UGGT2: variants seen among roughly 807,000 people sequenced by gnomAD.
UGGT2 encodes UDP-glucose glycoprotein glucosyltransferase 2, also known as UDP-glucose:glycoprotein glucosyltransferase 2.
In UGGT2, 180 loss-of-function variants were observed where a neutral mutation model predicts 192.1. The observed-to-expected ratio is 0.94, with a 90% CI of 0.83 to 1.06. The LOEUF (loss-of-function observed/expected upper bound fraction) is 1.06, where lower values mean the gene tolerates loss of function less well. UGGT2 is among the 50% of genes least tolerant of loss of function. The pLI is 0.00. For missense variants in UGGT2, 1,849 were observed against 1,795.7 expected (o/e 1.03, Z -0.54); for synonymous variants, 580 against 591.0 (o/e 0.98, Z 0.27).
Position 95,939,220 on chromosome 13 carries a change from T to C in UGGT2, c.1812+737A>G, listed in dbSNP as rs150522671. Among the ~76,000 whole-genome samples, 482 of 152,296 alleles carry C rather than the reference T, an allele frequency of 3.2e-3. 3 individuals are homozygous for C. Among genetic ancestry groups the C allele is most frequent in the African/African-American group, 0.011 (460 of 41,578 alleles). ...AATTCCTTTACATCTCAGAACACAA[T>C]ATTTTTCTGACTGGAATGTTAATCT... On this transcript the variant is annotated intron_variant, in intron 16 of 38. Coordinates refer to ENST00000376747, the MANE Select transcript of UGGT2 (RefSeq NM_020121.4).
chr13:95,959,418 G>T (rs550007232), intron 12 of UGGT2, among the ~76,000 whole-genome samples: 4 of 152,062 alleles, frequency 2.6e-5, no homozygotes, highest in African/African-American at 9.7e-5. Flanking sequence ...GGATCATCCC[G>T]CTCCCCTGCT....
At chr13:95,836,696 ATC>A (rs1887322514) in intron 37 of UGGT2, among the ~76,000 whole-genome samples, 1 of 152,296 alleles carries the variant, frequency 6.6e-6, no homozygotes, top group African/African-American at 2.4e-5. Context: ...TGGTTGTGGA[ATC>A]TCTTATTGCT....
chr13:95,980,160 A>G (rs2051072102), intron 10 of UGGT2, among the ~76,000 whole-genome samples: 2 of 152,092 alleles, frequency 1.3e-5, no homozygotes, highest in South Asian at 4.2e-4. Context: ...GGTGGGGGGG[A>G]AGTCATTATA....
At chr13:95,886,059 G>A (rs557164026) in intron 26 of UGGT2, among the ~76,000 whole-genome samples, 1 of 152,284 alleles carries the variant, frequency 6.6e-6, no homozygotes, top group South Asian at 2.1e-4. Context: ...ATCCACAAGA[G>A]AGAATATGTG....
chr13:95,928,078 C>T (rs2049089925), intron 17 of UGGT2, among the ~76,000 whole-genome samples: 1 of 152,238 alleles, frequency 6.6e-6, no homozygotes, highest in Non-Finnish European at 1.5e-5. Context: ...TACACAGACA[C>T]AGTAACAATC....
At chr13:95,822,079 G>T (rs775447211) in intron 38 of UGGT2, among the ~76,000 whole-genome samples, 1 of 151,984 alleles carries the variant, frequency 6.6e-6, no homozygotes, top group Non-Finnish European at 1.5e-5. Flanking sequence ...TTTTAGGATT[G>T]TTTTTCCTAG....
chr13:95,949,313 A>T, intron 13 of UGGT2, 22 bp downstream of exon 13: 1 of 1,491,918 alleles, frequency 6.7e-7, no homozygotes, highest in Non-Finnish European at 9.0e-7. Flanking sequence ...ATATATATGT[A>T]TAATCAAAAT....
intron 20 of UGGT2, among the ~76,000 whole-genome samples, chr13:95,906,791 A>T (rs1594288039): frequency 6.6e-6 from 1 of 152,216 alleles, no homozygotes; most frequent in Non-Finnish European, 1.5e-5. Flanking sequence ...CAGAAGCCAG[A>T]AGGCAATCAG....
intron 22 of UGGT2, among the ~76,000 whole-genome samples, chr13:95,900,483 C>G (rs2048073233): frequency 6.6e-6 from 1 of 152,154 alleles, no homozygotes; most frequent in South Asian, 2.1e-4. Flanking sequence ...CCTACTACAA[C>G]AGTGGTTCTA....
chr13:95,845,178 T>TTA lies in UGGT2; in HGVS notation c.4285-7978_4285-7977dup, dbSNP rs1385520357. 7.9e-5 allele frequency among the ~76,000 whole-genome samples: 12 copies of TTA among 151,906 alleles called. No homozygotes were observed. In the East Asian group the frequency reaches 2.3e-3, roughly 29 times the overall value. ...GATTCATGATATAAGATCCTTTCTT[T>TTA]TAAATTTTTTTAGTATTTATTGATC... is the stretch of plus-strand genomic sequence containing the variant. On this transcript the variant is annotated intron_variant, in intron 36 of 38. Transcript: ENST00000376747.
chr13:95,919,745 G>C (rs1426395982), intron 20 of UGGT2, among the ~76,000 whole-genome samples: 1 of 152,128 alleles, frequency 6.6e-6, no homozygotes, highest in Admixed American at 6.5e-5. Flanking sequence ...CTCATGGACA[G>C]GAAGAACGAA....
chr13:95,877,989 C>T (rs2047389741), intron 27 of UGGT2, 133 bp from the exon 28 acceptor site: 9 of 875,126 alleles, frequency 1.0e-5, no homozygotes, highest in African/African-American at 1.7e-5. Context: ...TTATTTTACA[C>T]ATGAGTGAAT....
intron 20 of UGGT2, among the ~76,000 whole-genome samples, chr13:95,924,416 T>TTTTTTTTTTTA (rs2048953410): frequency 7.1e-6 from 1 of 140,112 alleles, no homozygotes; most frequent in Non-Finnish European, 1.5e-5. Context: ...TTTTTTTTTT[T>TTTTTTTTTTTA]TTTTTTTTGA....
chr13:96,001,192 A>G (rs2051789996), intron 5 of UGGT2, among the ~76,000 whole-genome samples: 1 of 152,164 alleles, frequency 6.6e-6, no homozygotes. Context: ...GAATCACAAA[A>G]GAAGTGAAAA....
intron 38 of UGGT2, among the ~76,000 whole-genome samples, chr13:95,827,491 C>T (rs1886165326): frequency 6.6e-6 from 1 of 152,084 alleles, no homozygotes; most frequent in Non-Finnish European, 1.5e-5. Flanking sequence ...ATTCTTTCCT[C>T]GCAGCCCTCA....
At chr13:95,839,167 A>T (rs1291199467) in intron 36 of UGGT2, among the ~76,000 whole-genome samples, 2 of 151,914 alleles carry the variant, frequency 1.3e-5, no homozygotes, top group Non-Finnish European at 2.9e-5. Flanking sequence ...ACTACCCCCC[A>T]TGCCGACTGT....
At chr13:95,930,082 T>C (rs1379222338) in intron 17 of UGGT2, among the ~76,000 whole-genome samples, 1 of 152,156 alleles carries the variant, frequency 6.6e-6, no homozygotes, top group Non-Finnish European at 1.5e-5. Flanking sequence ...GCGTGTCTTC[T>C]TTTGAGAAGT....
intron 12 of UGGT2, among the ~76,000 whole-genome samples, chr13:95,965,121 G>C (rs1594455837): frequency 6.6e-6 from 1 of 150,796 alleles, no homozygotes; most frequent in Non-Finnish European, 1.5e-5. Flanking sequence ...GGAGAAATAG[G>C]AACACTTTTA....
chr13:95,858,146 A>C (rs1045784861), intron 33 of UGGT2, among the ~76,000 whole-genome samples: 1 of 151,932 alleles, frequency 6.6e-6, no homozygotes, highest in African/African-American at 2.4e-5. Context: ...TAGCTGTTTC[A>C]TATCAGGCCT....
Sources: gnomAD v4.1 joint callset for allele counts (sites outside exome capture counted in the v4.1 genomes callset) on GRCh38, gnomAD v4.1.1 for gene constraint, MANE v1.5 for transcripts, NCBI Gene and HGNC (gene_info 2026-07-23, HGNC 2026-07-21) for gene names.